The following EPC2 variants were observed in gnomAD, a reference collection of about 807,000 sequenced individuals.
The protein encoded by EPC2 is enhancer of polycomb homolog 2.
EPC2 carries 14 observed loss-of-function variants against 92.1 expected under a neutral mutation model. The ratio of observed to expected loss-of-function variants is 0.15; its 90% CI spans 0.10 to 0.24. The LOEUF (loss-of-function observed/expected upper bound fraction) is 0.24. EPC2 is among the 10% of genes least tolerant of loss of function. The probability of loss-of-function intolerance (pLI) is 1.00; values close to 1 mark genes in which losing one functional copy is unlikely to be tolerated. For synonymous variants in EPC2, 340 were observed against 334.7 expected (o/e 1.02, Z -0.17); for missense variants, 755 against 971.5 (o/e 0.78, Z 2.96).
chr2:148,662,767 C>G (rs186441798), intron 1 of EPC2, among the ~76,000 whole-genome samples: 91 of 151,682 alleles, frequency 6.0e-4, no homozygotes, highest in Non-Finnish European at 1.0e-3. Flanking sequence ...TACATACATA[C>G]GTAACAAACC....
chr2:148,721,410 A>G (rs1553446789), intron 2 of EPC2, among the ~76,000 whole-genome samples: 1 of 151,690 alleles, frequency 6.6e-6, no homozygotes, highest in Non-Finnish European at 1.5e-5. Flanking sequence ...ATCTGATGTG[A>G]TCTTATCTTT....
At chr2:148,699,599 T>A (rs1558813255) in intron 2 of EPC2, among the ~76,000 whole-genome samples, 2 of 152,216 alleles carry the variant, frequency 1.3e-5, no homozygotes, top group South Asian at 4.1e-4. Flanking sequence ...TATCATTGAA[T>A]AATGTTTTAT....
At chr2:148,771,414 A>G in intron 10 of EPC2, 27 bp downstream of exon 10, 1 of 1,504,056 alleles carries the variant, frequency 6.6e-7, no homozygotes. Context: ...TTAAAAGTAT[A>G]TCCTGCTATT....
chr2:148,676,566 C>G, intron 1 of EPC2, among the ~76,000 whole-genome samples: 1 of 151,888 alleles, frequency 6.6e-6, no homozygotes. Context: ...GTGGTATATT[C>G]TATTCATCTA....
chr2:148,704,758 G>A (rs146866080), intron 2 of EPC2, among the ~76,000 whole-genome samples: 60 of 152,206 alleles, frequency 3.9e-4, no homozygotes, highest in African/African-American at 1.4e-3. Context: ...ACAACAACAG[G>A]GATATAACTT....
chr2:148,758,207 A>C (rs72864216), intron 4 of EPC2, among the ~76,000 whole-genome samples: 1 of 152,148 alleles, frequency 6.6e-6, no homozygotes, highest in Admixed American at 6.5e-5. Context: ...GCATTTCCTT[A>C]CAGTAGATTT....
intron 2 of EPC2, among the ~76,000 whole-genome samples, chr2:148,722,927 C>T (rs562325331): frequency 3.9e-5 from 6 of 152,166 alleles, no homozygotes; most frequent in East Asian, 3.9e-4. Context: ...GAACAGAAAA[C>T]GGAATACTGC....
At chr2:148,784,517 GATC>G in intron 12 of EPC2, 148 bp from the exon 13 acceptor site, 2 of 618,842 alleles carry the variant, frequency 3.2e-6, no homozygotes, top group Non-Finnish European at 5.5e-6. Context: ...TCTACTTAGT[GATC>G]AGAAGCTCCC....
intron 2 of EPC2, among the ~76,000 whole-genome samples, chr2:148,704,314 A>G (rs1459563971): frequency 6.6e-6 from 1 of 152,208 alleles, no homozygotes; most frequent in Non-Finnish European, 1.5e-5. Flanking sequence ...AGTAATCAGA[A>G]TCATAGAGAC....
rs140920502 is a variant in EPC2, at chr2:148,712,392, G to GT, written c.313+22020dup. ...TTCTAATTCCTCCTTTCTGTCCCTTGTATCATTGCTGTCATTCGACACACA... is the reference window on the plus strand; with the variant it reads ...TTCTAATTCCTCCTTTCTGTCCCTTGTTATCATTGCTGTCATTCGACACACA... On this transcript the variant is annotated intron_variant, in intron 2 of 13. Transcript: ENST00000258484. 9.7e-3 allele frequency among the ~76,000 whole-genome samples: 1,482 copies of GT among 152,072 alleles called. 23 individuals are homozygous for GT. Among genetic ancestry groups the GT allele is most frequent in the African/African-American group, 0.034 (1,391 of 41,484 alleles).
intron 3 of EPC2, among the ~76,000 whole-genome samples, chr2:148,747,159 A>G (rs1683000480): frequency 6.6e-6 from 1 of 151,926 alleles, no homozygotes; most frequent in African/African-American, 2.4e-5. Flanking sequence ...GTTACTGATT[A>G]ACCTTCTATA....
At chr2:148,690,729 C>A (rs181511168) in intron 2 of EPC2, among the ~76,000 whole-genome samples, 1,520 of 151,950 alleles carry the variant, frequency 0.01, 25 homozygotes, top group African/African-American at 0.034. Context: ...GTGGCATGAT[C>A]TTGGCTCACT....
chr2:148,724,536 T>C (rs1682454121), intron 2 of EPC2, among the ~76,000 whole-genome samples: 2 of 152,128 alleles, frequency 1.3e-5, no homozygotes, highest in African/African-American at 2.4e-5. Flanking sequence ...AGGTTTTATA[T>C]TGTGTTCTGA....
chr2:148,669,090 T>C (rs1307440657), intron 1 of EPC2, among the ~76,000 whole-genome samples: 4 of 152,226 alleles, frequency 2.6e-5, no homozygotes. Context: ...ATTTCTCTTT[T>C]GATTTCTTCT....
rs143824716 is a variant in EPC2 at position 148,694,709 on chromosome 2, C to T, written c.313+4336C>T. ...TTTTATTTAATATGATAACATTTTA[C>T]AGTTGATACTAAATATCTTGGAATT... is the stretch of plus-strand genomic sequence containing the variant. On this transcript the variant is annotated intron_variant, in intron 2 of 13. Coordinates refer to ENST00000258484, the MANE Select transcript of EPC2 (RefSeq NM_015630.4). Among the ~76,000 whole-genome samples the T allele has an allele frequency of 5.2e-3, 786 of 152,268 alleles. 10 individuals carry two copies. Among genetic ancestry groups the T allele is most frequent in the African/African-American group, 0.018 (751 of 41,546 alleles).
chr2:148,769,779 T>C (rs936819536), intron 8 of EPC2, among the ~76,000 whole-genome samples: 1 of 152,240 alleles, frequency 6.6e-6, no homozygotes, highest in Non-Finnish European at 1.5e-5. Flanking sequence ...TCCAAGGTTC[T>C]CAATGAGATA....
chr2:148,770,481 C>A (rs1371681641), intron 8 of EPC2, among the ~76,000 whole-genome samples: 1 of 152,168 alleles, frequency 6.6e-6, no homozygotes, highest in Non-Finnish European at 1.5e-5. Flanking sequence ...ACCATCTCTA[C>A]TTTGTACACA....
rs372585232 is a variant in EPC2 at position 148,645,862 on chromosome 2, A to G, written c.153+692A>G. Among the ~76,000 whole-genome samples the G allele has an allele frequency of 1.6e-4, 24 of 152,338 alleles. No homozygotes were observed. In the East Asian group the frequency reaches 3.5e-3, roughly 22 times the overall value. ...ACGGCCGTGCTCCGTGCGCAACGTT[A>G]GAGAGGAGCCGGGGATGCCCGGAAG... is the stretch of plus-strand genomic sequence containing the variant. On this transcript the variant is annotated intron_variant, in intron 1 of 13. Transcript: ENST00000258484.
At chr2:148,711,122 T>C (rs1351083277) in intron 2 of EPC2, among the ~76,000 whole-genome samples, 1 of 152,080 alleles carries the variant, frequency 6.6e-6, no homozygotes, top group Non-Finnish European at 1.5e-5. Context: ...TTTCTTCACT[T>C]ACTTTGGGTT....
Sources: gnomAD v4.1 joint callset for allele counts (sites outside exome capture counted in the v4.1 genomes callset) on GRCh38, gnomAD v4.1.1 for gene constraint, MANE v1.5 for transcripts, NCBI Gene and HGNC (gene_info 2026-07-23, HGNC 2026-07-21) for gene names.